SEMA6D: variants seen among roughly 807,000 people sequenced by gnomAD.
SEMA6D encodes semaphorin 6D, also known as semaphorin-6D.
Under a neutral mutation model 106.6 loss-of-function variants are expected in SEMA6D, and 35 were observed. The observed-to-expected ratio is 0.33, with a 90% CI of 0.25 to 0.44. The LOEUF is 0.44. SEMA6D is among the 20% of genes least tolerant of loss of function. The pLI, the probability that SEMA6D is intolerant of heterozygous loss-of-function variation, is 1.00. For missense variants in SEMA6D, 1,185 were observed against 1,345.9 expected (o/e 0.88, Z 1.87); for synonymous variants, 499 against 487.7 (o/e 1.02, Z -0.31).
At chr15:47,474,396 C>T (rs192263673) in intron 3 of SEMA6D, among the ~76,000 whole-genome samples, 2 of 151,994 alleles carry the variant, frequency 1.3e-5, no homozygotes, top group East Asian at 1.9e-4. Context: ...TCTATTATAC[C>T]ATGAAATTAC....
At chr15:47,207,984 G>GGCGC (rs143248605) in intron 1 of SEMA6D, among the ~76,000 whole-genome samples, 41 of 73,094 alleles carry the variant, frequency 5.6e-4, no homozygotes, top group East Asian at 3.9e-3. Flanking sequence ...AGTAGCCACT[G>GGCGC]GCGCGCGCGC....
intron 3 of SEMA6D, among the ~76,000 whole-genome samples, chr15:47,530,509 A>C (rs1018277405): frequency 6.6e-6 from 1 of 152,206 alleles, no homozygotes; most frequent in African/African-American, 2.4e-5. Context: ...CTTCTCTTTT[A>C]ACAAATCCTC....
chr15:47,355,577 A>AAAC, intron 1 of SEMA6D, among the ~76,000 whole-genome samples: 1 of 152,192 alleles, frequency 6.6e-6, no homozygotes. Flanking sequence ...TCTAGAGACA[A>AAAC]ACATCTGGTT....
intron 1 of SEMA6D, among the ~76,000 whole-genome samples, chr15:47,290,838 G>T (rs955041850): frequency 6.6e-6 from 1 of 152,180 alleles, no homozygotes; most frequent in African/African-American, 2.4e-5. Context: ...ATTCGCATGG[G>T]TGCATAGAGT....
intron 4 of SEMA6D, among the ~76,000 whole-genome samples, chr15:47,649,048 C>G (rs937723093): frequency 3.3e-5 from 5 of 152,056 alleles, no homozygotes; most frequent in African/African-American, 1.2e-4. Context: ...ACATATTAGG[C>G]CACTTTCAAT....
At chr15:47,193,591 T>C (rs1166792123) in intron 1 of SEMA6D, among the ~76,000 whole-genome samples, 1 of 152,212 alleles carries the variant, frequency 6.6e-6, no homozygotes, top group Non-Finnish European at 1.5e-5. Context: ...AATGGAATCC[T>C]TGTAGTCACA....
At chr15:47,431,971 T>C (rs1220199466) in intron 2 of SEMA6D, among the ~76,000 whole-genome samples, 11 of 152,130 alleles carry the variant, frequency 7.2e-5, no homozygotes, top group Admixed American at 6.6e-4. Context: ...GTATCAATGG[T>C]TTCTTTTTAT....
At position 47,771,575 on chromosome 15, in the gene SEMA6D, C is replaced by T. The variant is rs145861068; in HGVS notation, c.3012C>T (p.Pro1004=). The T allele has an allele frequency of 2.5e-6, 4 of 1,614,006 alleles. No individual in the cohort carries two copies. The highest frequency in any genetic ancestry group is 1.3e-5 in the African/African-American group (1 of 74,932). Reference sequence around the variant, plus strand: ...ACCGTGGAGGATATATGCCCACCCCCACTGGGGCGAAGGTGGACTATATTC... The same window carrying T: ...ACCGTGGAGGATATATGCCCACCCCTACTGGGGCGAAGGTGGACTATATTC... ...SMNRGGYMPT[P]TGAKVDYIQG... Residue 1004 remains proline (P), a synonymous_variant, in exon 19 of 19, where the codon CCC becomes CCT. Transcript: ENST00000536845.
At chr15:47,376,030 G>T (rs1030302007) in intron 1 of SEMA6D, among the ~76,000 whole-genome samples, 1 of 152,194 alleles carries the variant, frequency 6.6e-6, no homozygotes, top group African/African-American at 2.4e-5. Flanking sequence ...TGTAAAGAAG[G>T]CAAATTATTT....
intron 1 of SEMA6D, among the ~76,000 whole-genome samples, chr15:47,731,166 A>G (rs889204517): frequency 6.6e-6 from 1 of 152,060 alleles, no homozygotes; most frequent in Non-Finnish European, 1.5e-5. Flanking sequence ...CATTGCTGCT[A>G]ATATAGTTTT....
At chr15:47,467,218 C>T (rs2042690876) in intron 2 of SEMA6D, among the ~76,000 whole-genome samples, 2 of 152,068 alleles carry the variant, frequency 1.3e-5, no homozygotes, top group Admixed American at 6.6e-5. Flanking sequence ...GGCTTGTGCC[C>T]TCCCTGCTAC....
At chr15:47,419,432 T>G (rs2041080924) in intron 2 of SEMA6D, among the ~76,000 whole-genome samples, 1 of 152,040 alleles carries the variant, frequency 6.6e-6, no homozygotes, top group African/African-American at 2.4e-5. Context: ...AGCCATATGC[T>G]AAAATCTCCA....
At chr15:47,507,347 C>G (rs116073492) in intron 3 of SEMA6D, among the ~76,000 whole-genome samples, 2 of 126,554 alleles carry the variant, frequency 1.6e-5, no homozygotes, top group East Asian at 2.9e-4. Flanking sequence ...ACACCCCCCC[C>G]CACCCCCCCG....
At chr15:47,275,906 T>G (rs924611057) in intron 1 of SEMA6D, among the ~76,000 whole-genome samples, 1 of 152,122 alleles carries the variant, frequency 6.6e-6, no homozygotes, top group Non-Finnish European at 1.5e-5. Context: ...GAAAAATTCT[T>G]GAAGAAAATT....
chr15:47,557,914 A>G (rs966710536), intron 3 of SEMA6D, among the ~76,000 whole-genome samples: 1 of 152,152 alleles, frequency 6.6e-6, no homozygotes, highest in Non-Finnish European at 1.5e-5. Flanking sequence ...ATTCCTTGCC[A>G]TGAAGAGAAG....
chr15:47,579,375 C>T (rs1188356403), intron 3 of SEMA6D, among the ~76,000 whole-genome samples: 1 of 152,134 alleles, frequency 6.6e-6, no homozygotes, highest in African/African-American at 2.4e-5. Flanking sequence ...CTCCTGACCT[C>T]AGGTGACCCA....
chr15:47,764,826 CA>C, intron 12 of SEMA6D, 33 bp downstream of exon 12: 1 of 1,613,472 alleles, frequency 6.2e-7, no homozygotes, highest in Non-Finnish European at 8.5e-7. Context: ...CCTTCCTATT[CA>C]ACGTTTTCTC....
At position 47,701,535 on chromosome 15, in the gene SEMA6D, G is replaced by T. The variant is rs183742084; in HGVS notation, c.-54-58210G>T. On this transcript the variant is annotated intron_variant, in intron 4 of 19. Coordinates refer to the SEMA6D transcript ENST00000558014. Reference sequence around the variant, plus strand: ...TAAGTTTTCTCACCACCAAAAAATGGTAATTACATGAGATAACCCATATAT... The same window carrying T: ...TAAGTTTTCTCACCACCAAAAAATGTTAATTACATGAGATAACCCATATAT... 2.6e-5 allele frequency among the ~76,000 whole-genome samples: 4 copies of T among 152,218 alleles called. No homozygotes were observed. The East Asian group carries it at 5.8e-4, about 22-fold the overall frequency.
In SEMA6D at chr15:47,722,339, T is replaced by C. The variant is rs1267191495; in HGVS notation, c.-55+4647T>C. Among the ~76,000 whole-genome samples the C allele has an allele frequency of 2.2e-4, 33 of 152,144 alleles. 1 individual carries two copies. The highest frequency in any genetic ancestry group is 2.2e-3 in the Admixed American group (33 of 15,278). On this transcript the variant is annotated intron_variant, in intron 1 of 18. Coordinates refer to ENST00000536845, the MANE Select transcript of SEMA6D (RefSeq NM_001358351.3). ...GCCTGTGATCCCAAATGACTGAAGA[T>C]AGAAAAAAGACCTTTTTTGGTGAAC...
Sources: allele counts gnomAD v4.1 joint callset (sites outside exome capture counted in the v4.1 genomes callset), GRCh38; gene constraint gnomAD v4.1.1; transcripts MANE v1.5; gene names NCBI Gene and HGNC (gene_info 2026-07-23, HGNC 2026-07-21).